The following AKAP19 variants were observed in gnomAD, a reference collection of about 807,000 sequenced individuals.
The protein encoded by AKAP19 is A-kinase anchoring protein 19.
chr2:190,145,873 A>G, the AKAP19 span, among the ~76,000 whole-genome samples: 1 of 79,394 alleles, frequency 1.3e-5, no homozygotes, highest in Non-Finnish European at 2.9e-5. Flanking sequence ...ATATATAACT[A>G]TATATATATA....
the AKAP19 span, among the ~76,000 whole-genome samples, chr2:190,078,279 T>C: frequency 2.6e-5 from 4 of 152,222 alleles, no homozygotes; most frequent in Non-Finnish European, 4.4e-5. Context: ...CTAGGAATTA[T>C]AGTCTTATGC....
the AKAP19 span, chr2:190,201,678 T>C: frequency 3.6e-5 from 6 of 167,080 alleles, no homozygotes; most frequent in African/African-American, 1.4e-4. Context: ...CATGTTTTCG[T>C]TGCCTTTGGA....
At chr2:189,957,970 T>A in the AKAP19 span, among the ~76,000 whole-genome samples, 1 of 152,104 alleles carries the variant, frequency 6.6e-6, no homozygotes, top group Admixed American at 6.5e-5. Flanking sequence ...ATTTTTGTAT[T>A]TTCAGTAGAG....
the AKAP19 span, among the ~76,000 whole-genome samples, chr2:190,147,985 G>A: frequency 6.6e-6 from 1 of 152,126 alleles, no homozygotes; most frequent in Non-Finnish European, 1.5e-5. Context: ...TTACCAACGT[G>A]GATGCCCTTT....
At chr2:189,910,719 A>G in the AKAP19 span, among the ~76,000 whole-genome samples, 1 of 152,044 alleles carries the variant, frequency 6.6e-6, no homozygotes, top group South Asian at 2.1e-4. Context: ...GGTGCAATAT[A>G]AGTCACTTAC....
the AKAP19 span, among the ~76,000 whole-genome samples, chr2:189,988,063 TAGG>T: frequency 2.0e-5 from 3 of 151,982 alleles, no homozygotes; most frequent in African/African-American, 7.2e-5. Flanking sequence ...GATGAAATCT[TAGG>T]GAGTCAAAGC....
the AKAP19 span, among the ~76,000 whole-genome samples, chr2:189,977,772 A>C: frequency 6.6e-6 from 1 of 152,216 alleles, no homozygotes; most frequent in Admixed American, 6.5e-5. Context: ...ATTAAAAAAG[A>C]GAGTTGACAA....
At chr2:189,923,884 T>C in the AKAP19 span, 1 of 1,610,880 alleles carries the variant, frequency 6.2e-7, no homozygotes, top group South Asian at 1.1e-5. Context: ...TTCAGGCCAT[T>C]AAGAGGGAGC....
At chr2:189,974,637 C>A in the AKAP19 span, among the ~76,000 whole-genome samples, 72 of 152,158 alleles carry the variant, frequency 4.7e-4, no homozygotes, top group Non-Finnish European at 7.8e-4. Context: ...CTCTAGGTCT[C>A]TAAGGACTTG....
At chr2:190,027,914 T>C in the AKAP19 span, among the ~76,000 whole-genome samples, 9 of 152,174 alleles carry the variant, frequency 5.9e-5, no homozygotes. Context: ...CAAGGGTGCT[T>C]TTTTATTTGT....
chr2:189,895,360 C>G, the AKAP19 span, among the ~76,000 whole-genome samples: 1 of 152,280 alleles, frequency 6.6e-6, no homozygotes, highest in African/African-American at 2.4e-5. Flanking sequence ...CTCCTATACC[C>G]TAGCACTTGT....
At chr2:190,014,817 G>A in the AKAP19 span, among the ~76,000 whole-genome samples, 1 of 152,082 alleles carries the variant, frequency 6.6e-6, no homozygotes, top group African/African-American at 2.4e-5. Context: ...GCGAGAAATT[G>A]GCCAAAACAA....
At chr2:189,963,288 A>G in the AKAP19 span, among the ~76,000 whole-genome samples, 35,341 of 149,654 alleles carry the variant, frequency 0.24, 4,991 homozygotes, top group African/African-American at 0.4. Flanking sequence ...TTCACCTCCC[A>G]GGTTCACACC....
the AKAP19 span, among the ~76,000 whole-genome samples, chr2:189,967,509 C>G: frequency 2.0e-5 from 3 of 152,090 alleles, no homozygotes; most frequent in Admixed American, 6.5e-5. Flanking sequence ...AATTCTACAC[C>G]TGATGAAAAG....
chr2:190,185,166 C>T, the AKAP19 span, among the ~76,000 whole-genome samples: 2 of 152,164 alleles, frequency 1.3e-5, no homozygotes, highest in African/African-American at 4.8e-5. Context: ...CAGCACTTAA[C>T]ACTCTTTTAT....
At chr2:189,994,766 T>G in the AKAP19 span, among the ~76,000 whole-genome samples, 1 of 151,916 alleles carries the variant, frequency 6.6e-6, no homozygotes, top group Non-Finnish European at 1.5e-5. Context: ...ACCCAGCTAA[T>G]TTTTGTATTT....
the AKAP19 span, among the ~76,000 whole-genome samples, chr2:190,171,933 G>T: frequency 2.0e-5 from 3 of 152,218 alleles, no homozygotes; most frequent in African/African-American, 7.2e-5. Context: ...GTTCAGAGTT[G>T]CCAAATTTAC....
At chr2:190,180,813 A>G in the AKAP19 span, 1 of 985,280 alleles carries the variant, frequency 1.0e-6, no homozygotes, top group Non-Finnish European at 1.2e-6. This position sits in a 1 kb window ranked among gnomAD's most constrained non-coding sequence, Gnocchi z 6.8. Context: ...CGGCGACGGC[A>G]GGAGGAGGGG....
At chr2:189,902,501 A>G in the AKAP19 span, among the ~76,000 whole-genome samples, 2 of 152,002 alleles carry the variant, frequency 1.3e-5, no homozygotes, top group Admixed American at 1.3e-4. Flanking sequence ...TCATTTTGGA[A>G]TATTTTCTAA....
Sources: allele counts gnomAD v4.1 joint callset (sites outside exome capture counted in the v4.1 genomes callset), GRCh38; gene constraint gnomAD v4.1.1; non-coding constraint Gnocchi (gnomAD v3.1); transcripts MANE v1.5; gene names NCBI Gene and HGNC (gene_info 2026-07-23, HGNC 2026-07-21).